The following C2CD5 variants were observed in gnomAD, a reference collection of about 807,000 sequenced individuals.
The protein encoded by C2CD5 is C2 domain-containing protein 5.
In C2CD5, 109 loss-of-function variants were observed where a neutral mutation model predicts 130.3. The observed-to-expected ratio is 0.84, with a 90% CI of 0.72 to 0.98. The LOEUF (loss-of-function observed/expected upper bound fraction) is 0.98. Ranked by LOEUF, C2CD5 falls within the 50% of genes least tolerant of loss-of-function variation. C2CD5 has a pLI of 0.00. For missense variants in C2CD5, 996 were observed against 1,261.8 expected, an observed-to-expected ratio of 0.79 and a Z score of 3.19; for synonymous variants, 454 against 429.2, an observed-to-expected ratio of 1.06 and a Z score of -0.71.
In C2CD5 at chr12:22,506,744, A is replaced by T. The variant is rs1473722312; in HGVS notation, c.1114T>A (p.Ser372Thr). 6.2e-7 allele frequency: 1 copy of T among 1,609,442 alleles called. No individual in the cohort carries two copies. Among genetic ancestry groups the T allele is most frequent in the Non-Finnish European group, 8.5e-7 (1 of 1,175,798 alleles). The change falls in exon 10 of 27, where the codon TCT (serine) becomes ACT (threonine). Residue 372 changes from serine to threonine, a missense_variant. This residue lies in a region of C2CD5 where 156 missense variants were observed against 165.9 expected (regional missense o/e 0.94). Coordinates refer to ENST00000446597, the MANE Select transcript of C2CD5 (RefSeq NM_001286176.2). Reference sequence around the variant, plus strand: ...TGGATACGATCCAAAAGCTTCACAGAACGTGCACTAACTACACCCCCAACG... The same window carrying T: ...TGGATACGATCCAAAAGCTTCACAGTACGTGCACTAACTACACCCCCAACG... ...VHVGGVVSAR[S>T]VKLLDRIHNP...
intron 8 of C2CD5, among the ~76,000 whole-genome samples, chr12:22,514,003 T>C (rs530270670): frequency 6.6e-6 from 1 of 152,186 alleles, no homozygotes; most frequent in Non-Finnish European, 1.5e-5. Context: ...AGACATGTAA[T>C]AGACACATCA....
At chr12:22,487,332 C>G in intron 12 of C2CD5, among the ~76,000 whole-genome samples, 1 of 151,692 alleles carries the variant, frequency 6.6e-6, no homozygotes, top group East Asian at 1.9e-4. Context: ...TATCCAGAAT[C>G]TACAATGAAC....
rs1949929778 is a variant in C2CD5, at chr12:22,518,089, G to A, written c.849C>T (p.Pro283=). The A allele has an allele frequency of 6.8e-6, 11 of 1,613,600 alleles. No homozygotes were observed. The highest frequency in any genetic ancestry group is 9.3e-6 in the Non-Finnish European group (11 of 1,179,540). Residue 283 remains proline, a synonymous_variant, in exon 8 of 27, where the codon CCC becomes CCT. Transcript: ENST00000446597. ...AAGTTTGGTTTTTCAGAGGGGTTGA[G>A]GGTCCTGATGAGTGAGTATTGGGAT... ...DPNPNTHSSG[P]STPLKNQTYS...
intron 21 of C2CD5, 39 bp downstream of exon 21, chr12:22,470,785 A>G: frequency 8.0e-7 from 1 of 1,249,828 alleles, no homozygotes; most frequent in Non-Finnish European, 1.2e-6. Flanking sequence ...CATAACACAG[A>G]CAAACACAAA....
At chr12:22,516,645 A>AAAT (rs985426486) in intron 8 of C2CD5, among the ~76,000 whole-genome samples, 2 of 150,886 alleles carry the variant, frequency 1.3e-5, no homozygotes, top group African/African-American at 2.4e-5. Flanking sequence ...AAAAAAAATA[A>AAAT]AATAATAATA....
At chr12:22,476,031 T>C (rs1261534503) in intron 15 of C2CD5, among the ~76,000 whole-genome samples, 3 of 152,144 alleles carry the variant, frequency 2.0e-5, no homozygotes, top group Non-Finnish European at 4.4e-5. Flanking sequence ...TTAACAAATA[T>C]AACTGTCTGG....
Position 22,516,851 on chromosome 12 carries a change from T to C in C2CD5, c.952+1135A>G, listed in dbSNP as rs767141269. 1.8e-3 allele frequency among the ~76,000 whole-genome samples: 280 copies of C among 151,990 alleles called. 2 individuals are homozygous for C. Among genetic ancestry groups the C allele is most frequent in the Non-Finnish European group, 3.6e-3 (247 of 67,826 alleles). On this transcript the variant is annotated intron_variant, in intron 8 of 26. Coordinates refer to ENST00000446597, the MANE Select transcript of C2CD5 (RefSeq NM_001286176.2). The stretch of plus-strand genomic sequence containing the variant: ...TTTCACTACAATCTGGATGGTTCCA[T>C]TTTTATGGCATAAACCTCGTAAGGT...
At chr12:22,477,804 A>C (rs1944076471) in intron 15 of C2CD5, among the ~76,000 whole-genome samples, 1 of 152,306 alleles carries the variant, frequency 6.6e-6, no homozygotes, top group Middle Eastern at 3.4e-3. Context: ...AGAAACTGTA[A>C]CTGAAAAACT....
In C2CD5 at chr12:22,458,412, C is replaced by T. The variant is rs1267619995; in HGVS notation, c.2686+72G>A. On this transcript the variant is annotated intron_variant, in intron 24 of 26. Coordinates refer to ENST00000446597, the MANE Select transcript of C2CD5 (RefSeq NM_001286176.2). ...CAATGTTATTACTGGGTAGTAAGGT[C>T]TAGCTTTCACCACTGGGAAATCAGG... is the stretch of plus-strand genomic sequence containing the variant. 17 of 640,794 alleles carry T rather than the reference C, an allele frequency of 2.7e-5. No individual in the cohort carries two copies. In the East Asian group the frequency reaches 3.4e-4, roughly 13 times the overall value. 39.7% of individuals were successfully genotyped at this position (640,794 alleles called of 1,614,324 possible). A position where few individuals can be genotyped will look rare whatever the true frequency, so the allele number is the denominator to read the frequency against.
At chr12:22,483,460 A>G (rs1945017940) in intron 13 of C2CD5, among the ~76,000 whole-genome samples, 1 of 152,172 alleles carries the variant, frequency 6.6e-6, no homozygotes. Flanking sequence ...GAAAGCCAGA[A>G]GACAGTGGTG....
At chr12:22,455,229 TTTTTGAG>T (rs1316916822) in intron 25 of C2CD5, among the ~76,000 whole-genome samples, 1 of 152,200 alleles carries the variant, frequency 6.6e-6, no homozygotes, top group Non-Finnish European at 1.5e-5. Flanking sequence ...TTCAGTATAT[TTTTTGAG>T]TTTTATCAAT....
chr12:22,525,801 A>G (rs1950665332), intron 4 of C2CD5, 96 bp from the exon 5 acceptor site: 3 of 720,934 alleles, frequency 4.2e-6, no homozygotes, highest in Non-Finnish European at 7.3e-6. Context: ...ATTTTAAAAT[A>G]CAATGATTTA....
chr12:22,492,338 A>G (rs1946460592), intron 11 of C2CD5, among the ~76,000 whole-genome samples: 1 of 152,180 alleles, frequency 6.6e-6, no homozygotes, highest in Non-Finnish European at 1.5e-5. Context: ...GGAGCTGAGA[A>G]AACAACTGGT....
chr12:22,525,848 C>A, intron 4 of C2CD5, 143 bp from the exon 5 acceptor site: 1 of 609,714 alleles, frequency 1.6e-6, no homozygotes, highest in East Asian at 2.8e-5. Context: ...GGTGCAAAAC[C>A]ATTCTGATTT....
chr12:22,527,623 A>T (rs1950846809), intron 4 of C2CD5, 98 bp downstream of exon 4: 1 of 715,574 alleles, frequency 1.4e-6, no homozygotes, highest in Non-Finnish European at 2.2e-6. Context: ...TAGCCTAAAG[A>T]TACATATTTT....
Position 22,472,817 on chromosome 12 carries a change from G to C in C2CD5, c.2044-10C>G, listed in dbSNP as rs1161389339. 2.7e-6 allele frequency: 4 copies of C among 1,455,108 alleles called. No individual in the cohort carries two copies. In the Admixed American group the frequency reaches 5.0e-5, roughly 18 times the overall value. 90.1% of individuals were successfully genotyped at this position (1,455,108 alleles called of 1,614,324 possible). A position where few individuals can be genotyped will look rare whatever the true frequency, so the allele number is the denominator to read the frequency against. On this transcript the variant is annotated splice_polypyrimidine_tract_variant and intron_variant, in intron 16 of 26. Coordinates refer to ENST00000446597, the MANE Select transcript of C2CD5 (RefSeq NM_001286176.2). The stretch of plus-strand genomic sequence containing the variant: ...CATCTGTGTCATCAATCTTAAAATA[G>C]AGATTAAAACTATTTTATAAGTAGT...
rs761577672 is a variant in C2CD5, at chr12:22,453,929, C to A, written c.2991G>T (p.Gln997His). The change falls in exon 26 of 27, where the codon CAG becomes CAT. Residue 997 changes from glutamine (Q) to histidine (H), a missense_variant. Around this residue, in one of 9 missense-constraint regions of C2CD5, gnomAD observed 51 missense variants for 99.5 expected, o/e 0.51. Transcript: ENST00000446597. The part of the protein sequence containing the change: ...GNAVVSYIMK[Q>H]CVFMENPNKN... ...TATTTGGATTCTCCATGAAGACACA[C>A]TGCTTCATTATGTAGGAGACAACAG... is the stretch of plus-strand genomic sequence containing the variant. 3 of 1,613,308 alleles carry A rather than the reference C, an allele frequency of 1.9e-6. No homozygotes were observed. Among genetic ancestry groups the A allele is most frequent in the Non-Finnish European group, 2.5e-6 (3 of 1,179,558 alleles).
chr12:22,530,648 G>C (rs1951192260), intron 3 of C2CD5, among the ~76,000 whole-genome samples: 1 of 151,570 alleles, frequency 6.6e-6, no homozygotes, highest in East Asian at 1.9e-4. Flanking sequence ...GTAGAGACGG[G>C]GTTTCACTCT....
chr12:22,472,401 G>T, intron 17 of C2CD5, 54 bp from the exon 18 acceptor site: 1 of 938,978 alleles, frequency 1.1e-6, no homozygotes, highest in Non-Finnish European at 1.6e-6. Flanking sequence ...TGATTTTTGT[G>T]TTAAATGACA....
Sources: allele counts gnomAD v4.1 joint callset (sites outside exome capture counted in the v4.1 genomes callset), GRCh38; gene constraint gnomAD v4.1.1; regional missense constraint gnomAD v4.1.1; transcripts MANE v1.5; gene names NCBI Gene and HGNC (gene_info 2026-07-23, HGNC 2026-07-21).